Variants in CACNA2D1 observed in about 807,000 individuals in gnomAD.
CACNA2D1 encodes calcium voltage-gated channel auxiliary subunit alpha2delta 1, also known as voltage-dependent calcium channel subunit alpha-2/delta-1.
A neutral mutation model predicts 171.5 loss-of-function variants in CACNA2D1; 53 were observed. The ratio of observed to expected loss-of-function variants is 0.31; its 90% CI spans 0.25 to 0.39. The LOEUF is 0.39. Among genes scored for constraint, CACNA2D1 ranks in the 10% least tolerant of loss-of-function variants. The pLI, the probability that CACNA2D1 is intolerant of heterozygous loss-of-function variation, is 1.00. For synonymous variants in CACNA2D1, 442 were observed against 443.1 expected (o/e 1.00, Z 0.03); for missense variants, 903 against 1,299.8 (o/e 0.69, Z 4.69).
rs1386892380 is a variant in CACNA2D1 at position 81,950,349 on chromosome 7, G to C, written c.*43C>G. ...AATTGAGGGCAGGGCTCATGTTTTG[G>C]CAGGGTCTGGAGTTTAACTATGCAG... On this transcript the variant is annotated 3_prime_UTR_variant, in exon 39 of 39. Transcript: ENST00000356860. 6.2e-7 allele frequency: 1 copy of C among 1,612,610 alleles called. No individual in the cohort carries two copies. The highest frequency in any genetic ancestry group is 1.1e-5 in the South Asian group (1 of 91,058).
At chr7:82,086,685 T>A (rs1214141218) in intron 6 of CACNA2D1, among the ~76,000 whole-genome samples, 1 of 152,188 alleles carries the variant, frequency 6.6e-6, no homozygotes, top group Admixed American at 6.5e-5. Context: ...TTATTTATGA[T>A]CCAGATAGAC....
chr7:82,372,148 T>G (rs1164456112), intron 1 of CACNA2D1, among the ~76,000 whole-genome samples: 1 of 152,198 alleles, frequency 6.6e-6, no homozygotes, highest in East Asian at 1.9e-4. Flanking sequence ...TAACTAAACT[T>G]CAATTTCATA....
rs1491481168 is a variant in CACNA2D1 at position 82,332,565 on chromosome 7, A to AGAAAGAACGAAC, written c.294+2569_294+2570insGTTCGTTCTTTC. Among the ~76,000 whole-genome samples the AGAAAGAACGAAC allele has an allele frequency of 2.5e-3, 278 of 109,288 alleles. 2 individuals carry two copies. The highest frequency in any genetic ancestry group is 0.011 in the Middle Eastern group (2 of 180). 71.7% of individuals were successfully genotyped at this position (109,288 alleles called of 152,430 possible). A position where few individuals can be genotyped will look rare whatever the true frequency, so the allele number is the denominator to read the frequency against. Reference sequence around the variant, plus strand: ...AAGAAAGAAAGAAAGAAAGAAAGAAAGAACGAACAGAAAATTTTTGAGGGT... The same window carrying AGAAAGAACGAAC: ...AAGAAAGAAAGAAAGAAAGAAAGAAAGAAAGAACGAACGAACGAACAGAAAATTTTTGAGGGT... On this transcript the variant is annotated intron_variant, in intron 3 of 38. Coordinates refer to ENST00000356860, the MANE Select transcript of CACNA2D1 (RefSeq NM_000722.4).
intron 3 of CACNA2D1, among the ~76,000 whole-genome samples, chr7:82,174,136 T>C (rs16887212): frequency 0.14 from 20,448 of 146,450 alleles, 1,924 homozygotes; most frequent in African/African-American, 0.26. Flanking sequence ...TAGTTGGCTA[T>C]ATAAGTATAT....
At chr7:82,042,948 C>A (rs182441730) in intron 10 of CACNA2D1, among the ~76,000 whole-genome samples, 521 of 152,216 alleles carry the variant, frequency 3.4e-3, no homozygotes, top group Non-Finnish European at 5.8e-3. Flanking sequence ...GGATTATTAG[C>A]CCACATGGCC....
rs1794466645 is a variant in CACNA2D1 at position 81,964,211 on chromosome 7, T to C, written c.2723A>G (p.Tyr908Cys). The C allele has an allele frequency of 6.2e-7, 1 of 1,612,828 alleles. No individual in the cohort carries two copies. Among genetic ancestry groups the C allele is most frequent in the Non-Finnish European group, 8.5e-7 (1 of 1,179,166 alleles). Residue 908 changes from tyrosine (Y) to cysteine (C), a missense_variant, in exon 33 of 39, where the codon TAT becomes TGT. Tyr to Cys is a radical substitution (Grantham distance 194, BLOSUM62 -2). Coordinates refer to ENST00000356860, the MANE Select transcript of CACNA2D1 (RefSeq NM_000722.4). ...PKQGAGHRSA[Y>C]VPSVADILQI... is the part of the protein sequence containing the mutation. ...TAGACCGTGGATATTACTGACCACATATGCTGAGCGATGTCCTGCTCCTTG... is the reference window on the plus strand; with the variant it reads ...TAGACCGTGGATATTACTGACCACACATGCTGAGCGATGTCCTGCTCCTTG...
At position 82,299,283 on chromosome 7, in the gene CACNA2D1, C is replaced by G. The variant is rs540115200; in HGVS notation, c.294+35852G>C. Among the ~76,000 whole-genome samples the G allele has an allele frequency of 2.6e-5, 4 of 152,036 alleles. No individual in the cohort carries two copies. In the South Asian group the frequency reaches 8.3e-4, roughly 31 times the overall value. Reference sequence around the variant, plus strand: ...GGGAGAAAGTAGGTTAAAGTGGAAACTTTTACTTTCTCATTATTGTTTTGG... The same window carrying G: ...GGGAGAAAGTAGGTTAAAGTGGAAAGTTTTACTTTCTCATTATTGTTTTGG... On this transcript the variant is annotated intron_variant, in intron 3 of 38. Coordinates refer to ENST00000356860, the MANE Select transcript of CACNA2D1 (RefSeq NM_000722.4).
At chr7:82,058,882 G>C (rs996443647) in intron 10 of CACNA2D1, among the ~76,000 whole-genome samples, 1 of 152,116 alleles carries the variant, frequency 6.6e-6, no homozygotes, top group Non-Finnish European at 1.5e-5. Context: ...ACCTGTGAGA[G>C]TGTTTTGCCA....
intron 12 of CACNA2D1, among the ~76,000 whole-genome samples, chr7:82,022,461 G>A (rs1028090632): frequency 7.9e-5 from 12 of 151,846 alleles, no homozygotes; most frequent in African/African-American, 2.7e-4. Flanking sequence ...CAATCCATGT[G>A]TTAAATAGAA....
In CACNA2D1 at chr7:81,974,634, T is replaced by C. The variant is rs899450656; in HGVS notation, c.1956-82A>G. On this transcript the variant is annotated intron_variant, in intron 24 of 38. Coordinates refer to ENST00000356860, the MANE Select transcript of CACNA2D1 (RefSeq NM_000722.4). Reference sequence around the variant, plus strand: ...TTAAAGGTAGTGAAAACACTATTTTTTTTTTTTATTAGCCACAAGACTTTG... The same window carrying C: ...TTAAAGGTAGTGAAAACACTATTTTCTTTTTTTATTAGCCACAAGACTTTG... 7.1e-6 allele frequency: 5 copies of C among 708,278 alleles called. No individual in the cohort carries two copies. The African/African-American group carries it at 7.3e-5, about 10-fold the overall frequency. The allele number at this position is 708,278 out of a possible 1,614,324, so 43.9% of individuals were successfully genotyped here.
Position 82,321,427 on chromosome 7 carries a change from TAG to T in CACNA2D1, c.294+13706_294+13707del, listed in dbSNP as rs1194649913. 3.3e-5 allele frequency among the ~76,000 whole-genome samples: 5 copies of T among 151,838 alleles called. No homozygotes were observed. The East Asian group carries it at 5.8e-4, about 18-fold the overall frequency. On this transcript the variant is annotated intron_variant, in intron 3 of 38. Transcript: ENST00000356860. The stretch of plus-strand genomic sequence containing the variant: ...AAAGAAATAAAATAATAAAATAAAA[TAG>T]AGTCTTACCCCCTCCTCAAAAAAAA...
chr7:82,394,174 C>T (rs980571217), intron 1 of CACNA2D1, among the ~76,000 whole-genome samples: 3 of 151,968 alleles, frequency 2.0e-5, no homozygotes, highest in African/African-American at 7.2e-5. Context: ...AAGGAGGGCT[C>T]CAAAAGACAC....
At chr7:82,070,914 A>G (rs543262724) in intron 7 of CACNA2D1, among the ~76,000 whole-genome samples, 1 of 152,316 alleles carries the variant, frequency 6.6e-6, no homozygotes, top group African/African-American at 2.4e-5. Context: ...CACCACAGAG[A>G]TGACGGAGAT....
chr7:82,064,356 T>C lies in CACNA2D1; in HGVS notation c.729-2A>G. 1 of 1,597,420 alleles carries C rather than the reference T, an allele frequency of 6.3e-7. No individual in the cohort carries two copies. On this transcript the variant is annotated splice_acceptor_variant, in intron 8 of 38. Transcript: ENST00000356860. LOFTEE classifies it high-confidence loss of function. ...GGAGATGCAGCTCCTTGGATGTACC[T>C]GAAACAAATATTGTAATAAATGCTT... is the stretch of plus-strand genomic sequence containing the variant.
At chr7:82,397,510 C>A (rs1421642262) in intron 1 of CACNA2D1, among the ~76,000 whole-genome samples, 1 of 151,480 alleles carries the variant, frequency 6.6e-6, no homozygotes, top group Non-Finnish European at 1.5e-5. Flanking sequence ...TTCATTTTGC[C>A]TAGAATTGAG....
In CACNA2D1 at chr7:81,971,815, A is replaced by T. The variant is rs771137156; in HGVS notation, c.2103T>A (p.Asn701Lys). The change falls in exon 26 of 39, where the codon AAT becomes AAA. Residue 701 changes from asparagine (N) to lysine (K), a missense_variant. By Grantham distance (94) the Asn-to-Lys change is moderately conservative. Around this residue, in one of 5 missense-constraint regions of CACNA2D1, gnomAD observed 623 missense variants for 925.5 expected, o/e 0.67. Coordinates refer to ENST00000356860, the MANE Select transcript of CACNA2D1 (RefSeq NM_000722.4). ...TACTCCAGTAATTTTGGACAAGTTCATTTGTAAAGCCTGCATCAAGCAAGA... is the reference window on the plus strand; with the variant it reads ...TACTCCAGTAATTTTGGACAAGTTCTTTTGTAAAGCCTGCATCAAGCAAGA... ...NRVLLDAGFT[N>K]ELVQNYWSKQ... The T allele has an allele frequency of 6.2e-7, 1 of 1,608,554 alleles. No homozygotes were observed. Among genetic ancestry groups the T allele is most frequent in the South Asian group, 1.1e-5 (1 of 90,836 alleles).
intron 3 of CACNA2D1, among the ~76,000 whole-genome samples, chr7:82,200,341 T>C (rs1563193254): frequency 1.3e-5 from 2 of 152,062 alleles, no homozygotes; most frequent in East Asian, 1.9e-4. Context: ...CATCATAATA[T>C]TAATTGAAAT....
At chr7:82,222,720 G>A (rs927138330) in intron 3 of CACNA2D1, among the ~76,000 whole-genome samples, 4 of 150,034 alleles carry the variant, frequency 2.7e-5, no homozygotes, top group Non-Finnish European at 6.0e-5. Context: ...CTTGAGGGCA[G>A]GAATCTTTTC....
chr7:82,254,427 T>C (rs1806036106), intron 3 of CACNA2D1, among the ~76,000 whole-genome samples: 1 of 152,076 alleles, frequency 6.6e-6, no homozygotes, highest in Non-Finnish European at 1.5e-5. Context: ...AAGTAAAAAC[T>C]GTACATATTC....
Sources: allele counts gnomAD v4.1 joint callset (sites outside exome capture counted in the v4.1 genomes callset), GRCh38; gene constraint gnomAD v4.1.1; regional missense constraint gnomAD v4.1.1; transcripts MANE v1.5; gene names NCBI Gene and HGNC (gene_info 2026-07-23, HGNC 2026-07-21).